APLF: variants seen among roughly 807,000 people sequenced by gnomAD.
APLF encodes the protein aprataxin and PNKP like factor.
A neutral mutation model predicts 55.6 loss-of-function variants in APLF; 61 were observed. The ratio of observed to expected loss-of-function variants is 1.10; its 90% confidence interval spans 0.89 to 1.36. APLF has a LOEUF of 1.36. Ranked by LOEUF, APLF falls within the 40% of genes most tolerant of loss-of-function variation. APLF has a pLI of 0.00. For missense variants in APLF, 611 were observed against 602.5 expected (o/e 1.01, Z -0.15); for synonymous variants, 207 against 214.8 (o/e 0.96, Z 0.32).
chr2:68,508,420 A>G (rs890701362), intron 3 of APLF, among the ~76,000 whole-genome samples: 10 of 151,934 alleles, frequency 6.6e-5, no homozygotes, highest in African/African-American at 2.4e-4. Context: ...ATGCAAAAGA[A>G]TGAAGTTAGT....
intron 1 of APLF, among the ~76,000 whole-genome samples, chr2:68,486,519 C>T (rs1676178843): frequency 6.6e-6 from 1 of 152,068 alleles, no homozygotes; most frequent in South Asian, 2.1e-4. Flanking sequence ...CCCCTAGATT[C>T]CCACTCCCTC....
At chr2:68,503,493 A>G (rs1232037876) in intron 3 of APLF, among the ~76,000 whole-genome samples, 2 of 152,158 alleles carry the variant, frequency 1.3e-5, no homozygotes, top group African/African-American at 4.8e-5. Context: ...AAGTAGATGG[A>G]CAGAATTATG....
chr2:68,499,768 G>A (rs1215841101), intron 2 of APLF, among the ~76,000 whole-genome samples: 1 of 152,118 alleles, frequency 6.6e-6, no homozygotes, highest in East Asian at 1.9e-4. Flanking sequence ...GAACCTGGAG[G>A]CAGAGGTTGT....
intron 8 of APLF, among the ~76,000 whole-genome samples, chr2:68,559,567 G>A (rs1209336714): frequency 6.6e-6 from 1 of 151,962 alleles, no homozygotes; most frequent in Non-Finnish European, 1.5e-5. Flanking sequence ...TAGTATTCAG[G>A]TGCTTCACCA....
rs1670451473 is a variant in APLF, at chr2:68,538,303, AT to A, written c.1160+78del. 4 of 1,333,842 alleles carry A rather than the reference AT, an allele frequency of 3.0e-6. No individual in the cohort carries two copies. The East Asian group carries it at 7.3e-5, about 24-fold the overall frequency. The allele number at this position is 1,333,842 out of a possible 1,614,324, so 82.6% of individuals were successfully genotyped here. A position where few individuals can be genotyped will look rare whatever the true frequency, so the allele number is the denominator to read the frequency against. The stretch of plus-strand genomic sequence containing the variant: ...GCTATGTAGATACATGCTACAGTAT[AT>A]TAAAAACTTAATAAAACCCACTGGC... On this transcript the variant is annotated intron_variant, in intron 7 of 9. Coordinates refer to ENST00000303795, the MANE Select transcript of APLF (RefSeq NM_173545.3).
At chr2:68,562,191 C>G (rs1671188430) in intron 8 of APLF, among the ~76,000 whole-genome samples, 1 of 151,874 alleles carries the variant, frequency 6.6e-6, no homozygotes, top group Admixed American at 6.6e-5. Flanking sequence ...CTAAGAACTT[C>G]CCACTCATAG....
chr2:68,544,136 C>T (rs1030501716), intron 7 of APLF, among the ~76,000 whole-genome samples: 3 of 151,920 alleles, frequency 2.0e-5, no homozygotes, highest in Non-Finnish European at 4.4e-5. Context: ...TGTGCGCCAC[C>T]AAGCCCGGCT....
In APLF at chr2:68,542,089, A is replaced by G. The variant is rs369762367; in HGVS notation, c.1161-3098A>G. ...AGTGCTCAGAAAACTGCATATTCAC[A>G]TGCAAAAGAGTGAAGTTGGATGCTT... On this transcript the variant is annotated intron_variant, in intron 7 of 9. Coordinates refer to ENST00000303795, the MANE Select transcript of APLF (RefSeq NM_173545.3). Among the ~76,000 whole-genome samples, 3 of 152,336 alleles carry G rather than the reference A, an allele frequency of 2.0e-5. No homozygotes were observed. In the East Asian group the frequency reaches 5.8e-4, roughly 29 times the overall value.
At position 68,538,065 on chromosome 2, in the gene APLF, G is replaced by A. The variant is rs774924022; in HGVS notation, c.998G>A (p.Gly333Asp). The stretch of plus-strand genomic sequence containing the variant: ...TCTGAAAATTGTTCGAGTGCCCAGG[G>A]CGACTCACTTCAGGATGAGTCTCAA... The part of the protein sequence containing the change: ...SCSENCSSAQ[G>D]DSLQDESQGS... Residue 333 changes from glycine (G) to aspartate (D), a missense_variant, in exon 7 of 10, where the codon GGC (glycine) becomes GAC (aspartate). Gly to Asp is a moderately conservative substitution (Grantham distance 94). Coordinates refer to ENST00000303795, the MANE Select transcript of APLF (RefSeq NM_173545.3). 3.1e-6 allele frequency: 5 copies of A among 1,613,930 alleles called. No individual in the cohort carries two copies. The African/African-American group carries it at 6.7e-5, about 22-fold the overall frequency.
chr2:68,544,680 G>T (rs1278616155), intron 7 of APLF, among the ~76,000 whole-genome samples: 3 of 151,978 alleles, frequency 2.0e-5, no homozygotes, highest in Non-Finnish European at 4.4e-5. Flanking sequence ...AGAGTCTTGA[G>T]ACCGAAAAGT....
At chr2:68,493,616 A>G (rs1000405310) in intron 2 of APLF, among the ~76,000 whole-genome samples, 1 of 152,232 alleles carries the variant, frequency 6.6e-6, no homozygotes. Context: ...ACACGTAATT[A>G]GGCCATTCAT....
At chr2:68,560,442 AT>A (rs1671138031) in intron 8 of APLF, among the ~76,000 whole-genome samples, 2 of 152,120 alleles carry the variant, frequency 1.3e-5, no homozygotes, top group South Asian at 4.1e-4. Flanking sequence ...CAAATTTTCC[AT>A]TGGTTTATTA....
rs919078168 is a variant in APLF at position 68,529,531 on chromosome 2, C to G, written c.804+3289C>G. 1 of 948,892 alleles carries G rather than the reference C, an allele frequency of 1.1e-6. No homozygotes were observed. Among genetic ancestry groups the G allele is most frequent in the African/African-American group, 1.8e-5 (1 of 56,464 alleles). The allele number at this position is 948,892 out of a possible 1,614,324, so 58.8% of individuals were successfully genotyped here. ...GGAGAGGATACTCCTAAGTCACCCA[C>G]TTCTCTGTGGCTGGGTGCACACTGG... On this transcript the variant is annotated intron_variant, in intron 6 of 9. Transcript: ENST00000303795. The surrounding 1 kb of genome is among the most constrained non-coding windows in gnomAD (Gnocchi z 4.4).
chr2:68,470,781 A>G (rs1298405335), intron 1 of APLF, among the ~76,000 whole-genome samples: 1 of 152,226 alleles, frequency 6.6e-6, no homozygotes, highest in African/African-American at 2.4e-5. Flanking sequence ...CTCAATGTAG[A>G]TGTAATTAAA....
chr2:68,513,071 A>G lies in APLF; in HGVS notation c.342-9A>G. 1 of 1,592,786 alleles carries G rather than the reference A, an allele frequency of 6.3e-7. No individual in the cohort carries two copies. The highest frequency in any genetic ancestry group is 8.6e-7 in the Non-Finnish European group (1 of 1,169,424). On this transcript the variant is annotated splice_polypyrimidine_tract_variant and intron_variant, in intron 3 of 9. Transcript: ENST00000303795. ...AAAATTAAAGACCAGTTTCTATTTT[A>G]TCTTATAGAAACAGTCAAGTGCTTG... is the stretch of plus-strand genomic sequence containing the variant.
intron 7 of APLF, among the ~76,000 whole-genome samples, chr2:68,542,316 T>G (rs1343614377): frequency 6.7e-6 from 1 of 149,916 alleles, no homozygotes; most frequent in Non-Finnish European, 1.5e-5. Flanking sequence ...CTTTTTAAAG[T>G]TAAAAACTTC....
At chr2:68,574,694 A>T (rs1671574169) in intron 9 of APLF, among the ~76,000 whole-genome samples, 1 of 152,218 alleles carries the variant, frequency 6.6e-6, no homozygotes, top group African/African-American at 2.4e-5. Flanking sequence ...GAGTAAACAA[A>T]CAAAATTCTT....
chr2:68,499,504 G>A (rs1198581171), intron 2 of APLF, among the ~76,000 whole-genome samples: 1 of 152,156 alleles, frequency 6.6e-6, no homozygotes, highest in Non-Finnish European at 1.5e-5. Context: ...TTGTACTTCT[G>A]AAATATTACA....
At chr2:68,558,126 T>A (rs75353557) in intron 8 of APLF, among the ~76,000 whole-genome samples, 6,499 of 152,220 alleles carry the variant, frequency 0.043, 184 homozygotes, top group Non-Finnish European at 0.065. Context: ...CATTTAGAAA[T>A]TACAGTAACA....
Sources: gnomAD v4.1 joint callset for allele counts (sites outside exome capture counted in the v4.1 genomes callset) on GRCh38, gnomAD v4.1.1 for gene constraint, Gnocchi (gnomAD v3.1) non-coding constraint, MANE v1.5 for transcripts, NCBI Gene and HGNC (gene_info 2026-07-23, HGNC 2026-07-21) for gene names.